Variants in UNC5D observed in about 807,000 individuals in gnomAD.
UNC5D encodes the protein unc-5 netrin receptor D, also known as netrin receptor UNC5D.
Under a neutral mutation model 105.4 loss-of-function variants are expected in UNC5D, and 39 were observed. The ratio of observed to expected loss-of-function variants is 0.37; its 90% CI spans 0.29 to 0.48. UNC5D has a LOEUF of 0.48. Among genes scored for constraint, UNC5D ranks in the 20% least tolerant of loss-of-function variants. The probability of loss-of-function intolerance (pLI) is 0.98; values close to 1 mark genes in which losing one functional copy is unlikely to be tolerated. For missense variants in UNC5D, 991 were observed against 1,202.4 expected, an observed-to-expected ratio of 0.82 and a Z score of 2.60; for synonymous variants, 452 against 450.4, an observed-to-expected ratio of 1.00 and a Z score of -0.04.
At chr8:35,470,904 A>C (rs1267233703) in intron 1 of UNC5D, among the ~76,000 whole-genome samples, 1 of 152,154 alleles carries the variant, frequency 6.6e-6, no homozygotes, top group Non-Finnish European at 1.5e-5. Flanking sequence ...AAGGCCTTAC[A>C]TTTGTATTGT....
At chr8:35,709,218 A>C (rs546246403) in intron 8 of UNC5D, among the ~76,000 whole-genome samples, 1 of 152,248 alleles carries the variant, frequency 6.6e-6, no homozygotes, top group South Asian at 2.1e-4. Flanking sequence ...AGCAAAACAC[A>C]TACAGCTTCT....
intron 7 of UNC5D, among the ~76,000 whole-genome samples, chr8:35,701,910 CAATATAT>C (rs1044998552): frequency 6.8e-6 from 1 of 147,684 alleles, no homozygotes; most frequent in Non-Finnish European, 1.5e-5. Context: ...ATATTATATA[CAATATAT>C]AATATATATA....
intron 1 of UNC5D, among the ~76,000 whole-genome samples, chr8:35,437,132 C>T (rs1807070478): frequency 1.3e-5 from 2 of 151,898 alleles, no homozygotes; most frequent in South Asian, 4.2e-4. Flanking sequence ...TGCCACTGTG[C>T]CTGGCTCATA....
At chr8:35,379,573 A>G (rs909937439) in intron 1 of UNC5D, among the ~76,000 whole-genome samples, 10 of 151,932 alleles carry the variant, frequency 6.6e-5, no homozygotes, top group African/African-American at 2.4e-4. Context: ...GCTTTCTCTG[A>G]CTTGCCTGGA....
At chr8:35,323,421 A>G (rs1379888189) in intron 1 of UNC5D, among the ~76,000 whole-genome samples, 2 of 152,018 alleles carry the variant, frequency 1.3e-5, no homozygotes, top group Non-Finnish European at 2.9e-5. Context: ...GCAACGTACC[A>G]TTTTTAATGA....
intron 1 of UNC5D, among the ~76,000 whole-genome samples, chr8:35,383,101 A>C (rs1404203868): frequency 6.6e-6 from 1 of 152,240 alleles, no homozygotes; most frequent in African/African-American, 2.4e-5. Flanking sequence ...CAATGATCAC[A>C]TTAAAGTAAT....
intron 1 of UNC5D, among the ~76,000 whole-genome samples, chr8:35,447,665 A>C (rs1212407182): frequency 6.6e-6 from 1 of 152,082 alleles, no homozygotes; most frequent in Non-Finnish European, 1.5e-5. Context: ...ATCCCAATGA[A>C]CAACATATTT....
At chr8:35,709,221 C>A (rs561710198) in intron 8 of UNC5D, among the ~76,000 whole-genome samples, 1 of 152,268 alleles carries the variant, frequency 6.6e-6, no homozygotes, top group East Asian at 1.9e-4. Context: ...AAAACACATA[C>A]AGCTTCTCCT....
At chr8:35,578,187 T>G (rs1356784748) in intron 3 of UNC5D, among the ~76,000 whole-genome samples, 16 of 136,900 alleles carry the variant, frequency 1.2e-4, no homozygotes, top group Non-Finnish European at 1.2e-4. Flanking sequence ...ATCATGTCAT[T>G]GCACTCCAGC....
chr8:35,363,233 G>A (rs1186520336), intron 1 of UNC5D, among the ~76,000 whole-genome samples: 1 of 152,134 alleles, frequency 6.6e-6, no homozygotes, highest in African/African-American at 2.4e-5. Context: ...GTCTTGGGAA[G>A]CCTCCAAATC....
At chr8:35,452,024 T>C (rs1808185053) in intron 1 of UNC5D, among the ~76,000 whole-genome samples, 1 of 152,200 alleles carries the variant, frequency 6.6e-6, no homozygotes, top group Non-Finnish European at 1.5e-5. Context: ...AGCTTGTATG[T>C]GTTACTTCTT....
chr8:35,344,646 A>G (rs185643526), intron 1 of UNC5D, among the ~76,000 whole-genome samples: 4 of 152,226 alleles, frequency 2.6e-5, no homozygotes, highest in Admixed American at 2.6e-4. Flanking sequence ...ACACTTCCCC[A>G]TTTACAATTT....
intron 7 of UNC5D, among the ~76,000 whole-genome samples, chr8:35,699,415 T>C (rs1407132702): frequency 6.6e-6 from 1 of 152,186 alleles, no homozygotes. Context: ...CTAATTAGCA[T>C]GATGGGATCT....
At chr8:35,541,940 A>G (rs553038498) in intron 1 of UNC5D, among the ~76,000 whole-genome samples, 1 of 151,958 alleles carries the variant, frequency 6.6e-6, no homozygotes, top group African/African-American at 2.4e-5. Context: ...AAGTTCTTTA[A>G]GGAACTAAGA....
intron 4 of UNC5D, among the ~76,000 whole-genome samples, chr8:35,624,260 G>A (rs1821557244): frequency 1.3e-5 from 2 of 152,164 alleles, no homozygotes; most frequent in East Asian, 1.9e-4. Context: ...GGCGTATATA[G>A]TGGAAGCCAC....
intron 4 of UNC5D, among the ~76,000 whole-genome samples, chr8:35,677,448 T>A (rs185498043): frequency 8.0e-4 from 122 of 152,284 alleles, no homozygotes; most frequent in African/African-American, 2.8e-3. Flanking sequence ...CATTGGAGTT[T>A]GCAACTGCTG....
chr8:35,247,621 A>T (rs1219652152), intron 1 of UNC5D, among the ~76,000 whole-genome samples: 4 of 87,320 alleles, frequency 4.6e-5, no homozygotes, highest in Non-Finnish European at 8.1e-5. Context: ...TATTATATAT[A>T]AAATATATAT....
At chr8:35,324,219 C>A (rs917666395) in intron 1 of UNC5D, among the ~76,000 whole-genome samples, 1 of 110,056 alleles carries the variant, frequency 9.1e-6, no homozygotes, top group Admixed American at 1.2e-4. Context: ...GGCAACAGAG[C>A]AAGACCCTGT....
intron 4 of UNC5D, among the ~76,000 whole-genome samples, chr8:35,602,061 G>A (rs550127101): frequency 2.4e-4 from 36 of 152,222 alleles, no homozygotes; most frequent in Admixed American, 1.4e-3. Flanking sequence ...ATCATCATGT[G>A]GTTTTTGTCT....
Sources: gnomAD v4.1 joint callset for allele counts (sites outside exome capture counted in the v4.1 genomes callset) on GRCh38, gnomAD v4.1.1 for gene constraint, MANE v1.5 for transcripts, NCBI Gene and HGNC (gene_info 2026-07-23, HGNC 2026-07-21) for gene names.